The following ATRNL1 variants were observed in gnomAD, a reference collection of about 807,000 sequenced individuals.
The protein encoded by ATRNL1 is attractin-like protein 1.
In ATRNL1, 95 loss-of-function variants were observed where a neutral mutation model predicts 182.7. That is an observed-to-expected ratio of 0.52 (90% CI 0.44 to 0.62). The LOEUF (loss-of-function observed/expected upper bound fraction) is 0.62. Among genes scored for constraint, ATRNL1 ranks in the 20% least tolerant of loss-of-function variants. The pLI is 0.00. For synonymous variants in ATRNL1, 576 were observed against 568.3 expected (o/e 1.01, Z -0.19); for missense variants, 1,471 against 1,679.5 (o/e 0.88, Z 2.17).
chr10:115,204,257 CT>C (rs544638690), intron 8 of ATRNL1, among the ~76,000 whole-genome samples: 25 of 152,018 alleles, frequency 1.6e-4, no homozygotes, highest in Non-Finnish European at 3.2e-4. Flanking sequence ...GGCAACACTT[CT>C]TTCCAATTTG....
intron 5 of ATRNL1, among the ~76,000 whole-genome samples, chr10:115,149,968 C>A (rs1295242695): frequency 6.7e-6 from 1 of 150,010 alleles, no homozygotes; most frequent in East Asian, 1.9e-4. Flanking sequence ...GCCGTCCTGT[C>A]CTGGACTTTC....
intron 5 of ATRNL1, among the ~76,000 whole-genome samples, chr10:115,131,491 A>G (rs1554875153): frequency 6.6e-6 from 1 of 152,134 alleles, no homozygotes; most frequent in Non-Finnish European, 1.5e-5. Context: ...GTATTTAAGG[A>G]AGCATAGCTC....
chr10:115,908,870 G>A (rs1398919980), intron 28 of ATRNL1, among the ~76,000 whole-genome samples: 1 of 152,038 alleles, frequency 6.6e-6, no homozygotes, highest in African/African-American at 2.4e-5. Flanking sequence ...TAATAACATG[G>A]AATATATGAT....
At chr10:115,611,705 A>T (rs1228894558) in intron 26 of ATRNL1, among the ~76,000 whole-genome samples, 1 of 152,148 alleles carries the variant, frequency 6.6e-6, no homozygotes, top group Non-Finnish European at 1.5e-5. Context: ...AAGTTTATTA[A>T]TATTAAGATG....
chr10:115,108,177 C>T (rs1319119429), intron 1 of ATRNL1, among the ~76,000 whole-genome samples: 1 of 152,152 alleles, frequency 6.6e-6, no homozygotes, highest in Non-Finnish European at 1.5e-5. Context: ...GTTTTTAAAT[C>T]ATTCTACCTT....
intron 8 of ATRNL1, among the ~76,000 whole-genome samples, chr10:115,177,083 G>A (rs934815432): frequency 4.6e-5 from 7 of 152,140 alleles, no homozygotes; most frequent in Admixed American, 4.6e-4. Context: ...AGGAAGATAA[G>A]CAAGGAAGAG....
chr10:115,938,790 A>G (rs1953639491), intron 28 of ATRNL1, among the ~76,000 whole-genome samples: 1 of 152,150 alleles, frequency 6.6e-6, no homozygotes, highest in South Asian at 2.1e-4. Context: ...TATATGTAGA[A>G]TCTAAAAAAG....
intron 27 of ATRNL1, among the ~76,000 whole-genome samples, chr10:115,771,316 C>T (rs941525623): frequency 6.6e-6 from 1 of 151,662 alleles, no homozygotes; most frequent in Non-Finnish European, 1.5e-5. Flanking sequence ...CTGCAAGCTC[C>T]GCCTCCTGGG....
chr10:115,394,529 G>A (rs1049621715), intron 19 of ATRNL1, 130 bp from the exon 20 acceptor site: 3 of 684,486 alleles, frequency 4.4e-6, no homozygotes, highest in Non-Finnish European at 7.6e-6. Flanking sequence ...ATACTATCTG[G>A]TAACCTTAGT....
At chr10:115,217,411 T>C (rs1207123089) in intron 9 of ATRNL1, among the ~76,000 whole-genome samples, 1 of 152,026 alleles carries the variant, frequency 6.6e-6, no homozygotes, top group Non-Finnish European at 1.5e-5. Context: ...TTCAATGCTG[T>C]GTCATACCAA....
At chr10:115,852,376 A>C (rs1450046986) in intron 28 of ATRNL1, among the ~76,000 whole-genome samples, 2 of 152,190 alleles carry the variant, frequency 1.3e-5, no homozygotes, top group African/African-American at 4.8e-5. Flanking sequence ...TAGTTTACTC[A>C]TGGTGTCATG....
At chr10:115,884,525 T>C (rs1401631500) in intron 28 of ATRNL1, among the ~76,000 whole-genome samples, 2 of 152,218 alleles carry the variant, frequency 1.3e-5, no homozygotes, top group Admixed American at 1.3e-4. Flanking sequence ...TGAGAACAAA[T>C]TGCATGTTAC....
At chr10:115,348,377 T>C (rs1554940351) in intron 19 of ATRNL1, among the ~76,000 whole-genome samples, 2 of 152,214 alleles carry the variant, frequency 1.3e-5, no homozygotes, top group Non-Finnish European at 2.9e-5. Context: ...TGTTGTATAA[T>C]ATATGTTCCT....
At chr10:115,315,097 G>T (rs1469328654) in intron 17 of ATRNL1, among the ~76,000 whole-genome samples, 1 of 152,128 alleles carries the variant, frequency 6.6e-6, no homozygotes. Context: ...ACTTATACTG[G>T]ATGTCCACAG....
chr10:115,212,532 A>G (rs894856358), intron 8 of ATRNL1, among the ~76,000 whole-genome samples: 3 of 152,048 alleles, frequency 2.0e-5, no homozygotes, highest in Non-Finnish European at 1.5e-5. Context: ...AAATTATTCT[A>G]TTATAAAGAC....
chr10:115,755,437 T>A (rs1216568634), intron 27 of ATRNL1, among the ~76,000 whole-genome samples: 1 of 152,196 alleles, frequency 6.6e-6, no homozygotes, highest in East Asian at 1.9e-4. Context: ...TCATGTGGTT[T>A]TTGTCATTGG....
At chr10:115,102,223 A>G (rs1843798625) in intron 1 of ATRNL1, among the ~76,000 whole-genome samples, 1 of 152,306 alleles carries the variant, frequency 6.6e-6, no homozygotes, top group Non-Finnish European at 1.5e-5. Flanking sequence ...CTCCTGATAA[A>G]CTGAGCCTTT....
At chr10:115,749,471 T>C (rs540367026) in intron 27 of ATRNL1, among the ~76,000 whole-genome samples, 1 of 151,876 alleles carries the variant, frequency 6.6e-6, no homozygotes, top group Non-Finnish European at 1.5e-5. Flanking sequence ...AGTAAAAAAA[T>C]AAGTGAAGTA....
chr10:115,641,533 G>T (rs1409787204), intron 26 of ATRNL1, among the ~76,000 whole-genome samples: 5 of 152,098 alleles, frequency 3.3e-5, no homozygotes, highest in Non-Finnish European at 5.9e-5. Context: ...AAATCAGGTT[G>T]TTTAAGAGGG....
Sources: allele counts gnomAD v4.1 joint callset (sites outside exome capture counted in the v4.1 genomes callset), GRCh38; gene constraint gnomAD v4.1.1; transcripts MANE v1.5; gene names NCBI Gene and HGNC (gene_info 2026-07-23, HGNC 2026-07-21).